The following SYCP1 variants were observed in gnomAD, a reference collection of about 807,000 sequenced individuals.
The protein encoded by SYCP1 is cancer/testis antigen 8.
A neutral mutation model predicts 153.1 loss-of-function variants in SYCP1; 64 were observed. The ratio of observed to expected loss-of-function variants is 0.42; its 90% CI spans 0.34 to 0.51. The LOEUF is 0.51. SYCP1 is among the 20% of genes least tolerant of loss of function. SYCP1 has a pLI of 0.06. For synonymous variants in SYCP1, 384 were observed against 341.8 expected (o/e 1.12, Z -1.36); for missense variants, 997 against 1,049.0 (o/e 0.95, Z 0.68).
At chr1:114,875,761 C>A (rs1051721327) in intron 9 of SYCP1, among the ~76,000 whole-genome samples, 1 of 152,102 alleles carries the variant, frequency 6.6e-6, no homozygotes, top group African/African-American at 2.4e-5. Context: ...AATAAATAAG[C>A]ACAAATAAAT....
chr1:114,899,272 C>A (rs763443835), intron 16 of SYCP1, among the ~76,000 whole-genome samples: 2 of 152,112 alleles, frequency 1.3e-5, no homozygotes, highest in Non-Finnish European at 2.9e-5. Flanking sequence ...CAAGAGTATA[C>A]CTTACTCAAT....
chr1:114,992,786 C>T (rs1320235166), intron 30 of SYCP1, among the ~76,000 whole-genome samples: 1 of 151,468 alleles, frequency 6.6e-6, no homozygotes, highest in East Asian at 1.9e-4. Flanking sequence ...ATAAATTGGA[C>T]TGCATCAAAA....
intron 6 of SYCP1, 197 bp from the exon 7 acceptor site, chr1:114,859,546 C>T (rs1664239502): frequency 9.7e-6 from 2 of 205,956 alleles, no homozygotes; most frequent in Non-Finnish European, 2.0e-5. Context: ...ATTTAGCCTT[C>T]TTTATTTTAG....
intron 8 of SYCP1, among the ~76,000 whole-genome samples, chr1:114,862,477 G>C (rs1337386688): frequency 6.6e-6 from 1 of 151,838 alleles, no homozygotes; most frequent in Non-Finnish European, 1.5e-5. Flanking sequence ...AGCCTCCTGA[G>C]TAGCTGTGAC....
intron 23 of SYCP1, 70 bp downstream of exon 23, chr1:114,926,633 CTT>C: frequency 7.8e-7 from 1 of 1,276,376 alleles, no homozygotes; most frequent in Non-Finnish European, 1.1e-6. Flanking sequence ...TTTTATTCCA[CTT>C]GTTTATACAG....
intron 20 of SYCP1, among the ~76,000 whole-genome samples, chr1:114,921,561 C>T (rs1458819188): frequency 6.6e-6 from 1 of 151,620 alleles, no homozygotes; most frequent in Non-Finnish European, 1.5e-5. Context: ...TGCCTGTAAT[C>T]CTAGCTACTG....
chr1:114,919,145 T>C (rs1668696405), intron 20 of SYCP1, among the ~76,000 whole-genome samples: 1 of 152,186 alleles, frequency 6.6e-6, no homozygotes, highest in South Asian at 2.1e-4. Flanking sequence ...TGTGGGTCAG[T>C]CATATATGCT....
rs187237834 is a variant in SYCP1 at position 114,995,050 on chromosome 1, A to G, written c.*31A>G. ...GAGAATCAGTGTAGTTAAGGAGCCTAATAACGTGAAACTTATAGTTAATAT... is the reference window on the plus strand; with the variant it reads ...GAGAATCAGTGTAGTTAAGGAGCCTGATAACGTGAAACTTATAGTTAATAT... On this transcript the variant is annotated 3_prime_UTR_variant, in exon 32 of 32. Coordinates refer to ENST00000369522, the MANE Select transcript of SYCP1 (RefSeq NM_003176.4). 2.5e-5 allele frequency: 39 copies of G among 1,548,034 alleles called. No individual in the cohort carries two copies. In the East Asian group the frequency reaches 8.6e-4, roughly 34 times the overall value.
intron 15 of SYCP1, among the ~76,000 whole-genome samples, chr1:114,888,203 C>T (rs911779580): frequency 6.6e-5 from 10 of 151,840 alleles, no homozygotes; most frequent in South Asian, 2.1e-4. Flanking sequence ...CCATGTAATT[C>T]GATAATTCTA....
chr1:114,926,595 T>A (rs1379344277), intron 23 of SYCP1, 32 bp downstream of exon 23: 1 of 1,505,016 alleles, frequency 6.6e-7, no homozygotes, highest in Non-Finnish European at 9.0e-7. Flanking sequence ...GTTTTTTAAA[T>A]ACTAATAGAT....
chr1:114,855,422 CG>C lies in SYCP1; in HGVS notation c.-24-18del. On this transcript the variant is annotated intron_variant, in intron 1 of 31. Coordinates refer to ENST00000369522, the MANE Select transcript of SYCP1 (RefSeq NM_003176.4). ...TGAAAAAAAACTTTCCTTCCCCTCC[CG>C]CCCCCCCGGGGCAGTAGATATTTAC... 3 of 1,387,048 alleles carry C rather than the reference CG, an allele frequency of 2.2e-6. No homozygotes were observed. The highest frequency in any genetic ancestry group is 2.6e-5 in the Admixed American group (1 of 38,360). 85.9% of individuals were successfully genotyped at this position (1,387,048 alleles called of 1,614,324 possible). A position where few individuals can be genotyped will look rare whatever the true frequency, so the allele number is the denominator to read the frequency against.
intron 23 of SYCP1, among the ~76,000 whole-genome samples, chr1:114,943,681 T>C (rs1670522276): frequency 6.6e-6 from 1 of 151,796 alleles, no homozygotes. Flanking sequence ...TCAATATTGG[T>C]AATGGTCTAT....
At chr1:114,925,876 A>G (rs1383683319) in intron 21 of SYCP1, among the ~76,000 whole-genome samples, 2 of 152,168 alleles carry the variant, frequency 1.3e-5, no homozygotes, top group Non-Finnish European at 2.9e-5. Flanking sequence ...TATTAATGGT[A>G]TACAAAGTGA....
intron 23 of SYCP1, among the ~76,000 whole-genome samples, chr1:114,934,916 A>G (rs2101778551): frequency 6.6e-6 from 1 of 152,342 alleles, no homozygotes; most frequent in Middle Eastern, 3.4e-3. Context: ...GCAAGTCCTT[A>G]GAGACCTAGA....
At chr1:114,895,335 C>A in intron 15 of SYCP1, 113 bp from the exon 16 acceptor site, 1 of 519,652 alleles carries the variant, frequency 1.9e-6, no homozygotes, top group Non-Finnish European at 3.3e-6. Context: ...GCTCTAGTTG[C>A]ATTTGTCTCT....
At chr1:114,857,176 AAAG>A in intron 3 of SYCP1, 53 bp from the exon 4 acceptor site, 6 of 1,350,352 alleles carry the variant, frequency 4.4e-6, no homozygotes, top group South Asian at 1.4e-5. Flanking sequence ...AGAAAAAAAA[AAAG>A]AAAGAGAAAA....
chr1:114,913,859 T>C, intron 19 of SYCP1, 116 bp from the exon 20 acceptor site: 1 of 689,258 alleles, frequency 1.5e-6, no homozygotes, highest in Non-Finnish European at 2.2e-6. Context: ...GCCCATTTTT[T>C]TGCTTTATAT....
chr1:114,909,495 T>TACACACACACAC (rs57520899), intron 16 of SYCP1, among the ~76,000 whole-genome samples: 16 of 106,504 alleles, frequency 1.5e-4, no homozygotes, highest in East Asian at 5.6e-4. Flanking sequence ...TCCCTTGCTG[T>TACACACACACAC]ACACACACAC....
chr1:114,928,528 A>G (rs918698576), intron 23 of SYCP1, among the ~76,000 whole-genome samples: 1 of 152,246 alleles, frequency 6.6e-6, no homozygotes, highest in East Asian at 1.9e-4. Context: ...GGAAAATGGC[A>G]TTAGATGGAA....
Sources: allele counts gnomAD v4.1 joint callset (sites outside exome capture counted in the v4.1 genomes callset), GRCh38; gene constraint gnomAD v4.1.1; transcripts MANE v1.5; gene names NCBI Gene and HGNC (gene_info 2026-07-23, HGNC 2026-07-21).